ATP2B2: variants seen among roughly 807,000 people sequenced by gnomAD.
The protein encoded by ATP2B2 is plasma membrane calcium-transporting ATPase 2.
ATP2B2 carries 15 observed loss-of-function variants against 120.0 expected under a neutral mutation model. That is an observed-to-expected ratio of 0.12 (90% CI 0.08 to 0.19). ATP2B2 has a LOEUF of 0.19. ATP2B2 is among the 10% of genes least tolerant of loss of function. ATP2B2 has a pLI of 1.00. For missense variants in ATP2B2, 1,045 were observed against 1,719.8 expected (o/e 0.61, Z 6.94); for synonymous variants, 694 against 700.3 (o/e 0.99, Z 0.14).
intron 12 of ATP2B2, among the ~76,000 whole-genome samples, chr3:10,363,038 A>T (rs1273941485): frequency 2.0e-5 from 3 of 152,222 alleles, no homozygotes; most frequent in Non-Finnish European, 4.4e-5. Context: ...TTATTTGCCC[A>T]AGAGAGCTGA....
At chr3:10,549,837 G>A (rs977360388) in intron 2 of ATP2B2, among the ~76,000 whole-genome samples, 4 of 152,208 alleles carry the variant, frequency 2.6e-5, no homozygotes, top group Non-Finnish European at 5.9e-5. Flanking sequence ...ACAGCACAGG[G>A]TGGTGAACAA....
At chr3:10,395,205 G>C (rs1288960907) in intron 5 of ATP2B2, among the ~76,000 whole-genome samples, 1 of 152,182 alleles carries the variant, frequency 6.6e-6, no homozygotes, top group East Asian at 1.9e-4. Context: ...TGACCTAGGA[G>C]GGTTTAAAAA....
intron 5 of ATP2B2, among the ~76,000 whole-genome samples, chr3:10,398,914 C>T (rs2062130707): frequency 6.6e-6 from 1 of 152,218 alleles, no homozygotes; most frequent in South Asian, 2.1e-4. Flanking sequence ...GAGACCCGGC[C>T]ACCCTATGAC....
chr3:10,527,675 G>A (rs2067125316), intron 3 of ATP2B2, among the ~76,000 whole-genome samples: 1 of 152,188 alleles, frequency 6.6e-6, no homozygotes. Context: ...CTGAACTGGA[G>A]ACCCAGGCTT....
At chr3:10,548,079 A>T (rs2067590430) in intron 2 of ATP2B2, among the ~76,000 whole-genome samples, 1 of 152,092 alleles carries the variant, frequency 6.6e-6, no homozygotes, top group South Asian at 2.1e-4. Flanking sequence ...AGCACCTGAC[A>T]CTCAGCAGGA....
At chr3:10,410,553 G>GC (rs970705698) in intron 3 of ATP2B2, 65 bp downstream of exon 3, 53 of 1,498,644 alleles carry the variant, frequency 3.5e-5, no homozygotes, top group Non-Finnish European at 4.3e-5. Flanking sequence ...AGCCGTGAGT[G>GC]CCCCCCAGCG....
chr3:10,462,971 C>G (rs372305253), intron 1 of ATP2B2, among the ~76,000 whole-genome samples: 1 of 152,178 alleles, frequency 6.6e-6, no homozygotes, highest in Non-Finnish European at 1.5e-5. Context: ...ATTTTCTGAA[C>G]AACTAATGCA....
chr3:10,705,568 T>G (rs1455249348), intron 1 of ATP2B2, among the ~76,000 whole-genome samples: 1 of 152,246 alleles, frequency 6.6e-6, no homozygotes, highest in African/African-American at 2.4e-5. Flanking sequence ...TGCAAGCACT[T>G]GGACTCTGGG....
chr3:10,560,489 G>A (rs55639709), intron 2 of ATP2B2, among the ~76,000 whole-genome samples: 6 of 152,022 alleles, frequency 3.9e-5, no homozygotes, highest in Admixed American at 1.3e-4. Flanking sequence ...CCCCAGCTGA[G>A]CCCCATCTTT....
chr3:10,571,156 G>GAA (rs1345757123), intron 2 of ATP2B2, among the ~76,000 whole-genome samples: 3 of 152,198 alleles, frequency 2.0e-5, no homozygotes, highest in African/African-American at 7.2e-5. Flanking sequence ...TTCATGCTGT[G>GAA]GTTACATGAA....
At chr3:10,398,299 G>A (rs2062108771) in intron 5 of ATP2B2, among the ~76,000 whole-genome samples, 1 of 152,168 alleles carries the variant, frequency 6.6e-6, no homozygotes, top group Non-Finnish European at 1.5e-5. Flanking sequence ...TGCCCACAAG[G>A]ACATCCTGGA....
intron 2 of ATP2B2, among the ~76,000 whole-genome samples, chr3:10,534,711 G>A (rs1365354175): frequency 6.6e-6 from 1 of 152,008 alleles, no homozygotes; most frequent in Non-Finnish European, 1.5e-5. Flanking sequence ...TCCTCATCTG[G>A]AGGATAAAGA....
Position 10,334,793 on chromosome 3 carries a change from C to T in ATP2B2, c.3420+3383G>A, listed in dbSNP as rs187094587. ...TGAGGGAGGCGCTCCCACCAGCACA[C>T]CGGGTTACCTGCTTGGCTGCAGGGG... On this transcript the variant is annotated intron_variant, in intron 22 of 22. Transcript: ENST00000360273. Among the ~76,000 whole-genome samples the T allele has an allele frequency of 4.8e-3, 566 of 116,884 alleles. 3 individuals are homozygous for T. The highest frequency in any genetic ancestry group is 7.9e-3 in the South Asian group (24 of 3,026). 76.7% of individuals were successfully genotyped at this position (116,884 alleles called of 152,430 possible).
chr3:10,493,528 TG>T (rs2066016131), intron 1 of ATP2B2, among the ~76,000 whole-genome samples: 1 of 152,260 alleles, frequency 6.6e-6, no homozygotes, highest in Admixed American at 6.5e-5. Context: ...GACTTGTTCC[TG>T]TACATCAAGG....
At chr3:10,704,781 G>A (rs534776032) in intron 1 of ATP2B2, among the ~76,000 whole-genome samples, 2 of 152,156 alleles carry the variant, frequency 1.3e-5, no homozygotes, top group Non-Finnish European at 2.9e-5. Context: ...TGAGAAATAA[G>A]ACATTACTAA....
chr3:10,629,458 TGA>T (rs2069802341), intron 1 of ATP2B2, among the ~76,000 whole-genome samples: 1 of 152,186 alleles, frequency 6.6e-6, no homozygotes. Context: ...ATTCATTTGT[TGA>T]TAGGGCACAT....
intron 1 of ATP2B2, among the ~76,000 whole-genome samples, chr3:10,701,086 T>C (rs900964565): frequency 6.6e-6 from 1 of 151,952 alleles, no homozygotes; most frequent in Admixed American, 6.6e-5. Context: ...CAAACCAAAT[T>C]AGTACACTAA....
intron 2 of ATP2B2, among the ~76,000 whole-genome samples, chr3:10,592,168 T>C (rs1233210923): frequency 6.6e-6 from 1 of 152,178 alleles, no homozygotes; most frequent in African/African-American, 2.4e-5. Context: ...GCTTTCAGTA[T>C]CTCTATCATC....
chr3:10,382,755 T>C (rs950363763), intron 8 of ATP2B2, among the ~76,000 whole-genome samples: 1 of 152,168 alleles, frequency 6.6e-6, no homozygotes, highest in Non-Finnish European at 1.5e-5. Context: ...TAAATAATAA[T>C]GGCAATCATA....
Sources: gnomAD v4.1 joint callset for allele counts (sites outside exome capture counted in the v4.1 genomes callset) on GRCh38, gnomAD v4.1.1 for gene constraint, MANE v1.5 for transcripts, NCBI Gene and HGNC (gene_info 2026-07-23, HGNC 2026-07-21) for gene names.